The following EP400 variants were observed in gnomAD, a reference collection of about 807,000 sequenced individuals.
EP400 encodes E1A binding protein p400, also known as E1A-binding protein p400.
EP400 carries 105 observed loss-of-function variants against 354.1 expected under a neutral mutation model. The observed-to-expected ratio is 0.30, with a 90% CI of 0.25 to 0.35. The LOEUF is 0.35. Among genes scored for constraint, EP400 ranks in the 10% least tolerant of loss-of-function variants. EP400 has a pLI of 1.00. For missense variants in EP400, 3,280 were observed against 4,121.0 expected (o/e 0.80, Z 5.59); for synonymous variants, 1,646 against 1,716.9 (o/e 0.96, Z 1.02).
intron 39 of EP400, among the ~76,000 whole-genome samples, chr12:132,046,489 G>T (rs1352775507): frequency 6.6e-6 from 1 of 152,226 alleles, no homozygotes; most frequent in East Asian, 1.9e-4. Context: ...CGAAAGACTG[G>T]CTGGCTGCAA....
Position 132,029,768 on chromosome 12 carries a change from C to T in EP400, c.5449C>T (p.Leu1817=). Residue 1817 remains leucine, a synonymous_variant, in exon 28 of 53, where the codon CTG becomes TTG. Coordinates refer to ENST00000389561, the MANE Select transcript of EP400 (RefSeq NM_015409.5). The surrounding 1 kb of genome is among the most constrained non-coding windows in gnomAD (Gnocchi z 4.7). ...PSLRVPRPPP[L]YSHRMRILRQ... The stretch of plus-strand genomic sequence containing the variant: ...CCTACGGGTGCCGCGGCCGCCACCC[C>T]TGTACAGCCACAGAATGAGGATCTT... 2 of 1,613,572 alleles carry T rather than the reference C, an allele frequency of 1.2e-6. No homozygotes were observed. The highest frequency in any genetic ancestry group is 1.7e-5 in the Admixed American group (1 of 60,032).
rs1246931325 is a variant in EP400, at chr12:131,982,262, C to A, written c.1713C>A (p.Leu571=). ...CAGCCGGTGTTCCCACTGCAGCCCT[C>A]TCCTCTGCGCTGCAGTTTGCACAGC... ...LPPAGVPTAA[L]SSALQFAQQP... The change falls in exon 5 of 53, where the codon CTC becomes CTA. Residue 571 remains leucine, a synonymous_variant. Transcript: ENST00000389561. The A allele has an allele frequency of 6.2e-7, 1 of 1,614,098 alleles. No individual in the cohort carries two copies.
chr12:132,028,714 G>A (rs543695874), intron 27 of EP400, among the ~76,000 whole-genome samples: 4 of 152,318 alleles, frequency 2.6e-5, no homozygotes, highest in African/African-American at 7.2e-5. Context: ...TCTGAGCACC[G>A]GTGGGCACGG....
At position 132,053,558 on chromosome 12, in the gene EP400, G is replaced by A. The variant is rs759625372; in HGVS notation, c.7689G>A (p.Ala2563=). 140 of 1,562,938 alleles carry A rather than the reference G, an allele frequency of 9.0e-5. 1 individual carries two copies. The highest frequency in any genetic ancestry group is 1.1e-4 in the Admixed American group (6 of 55,738). ...QPQPVQAPAK[A]QPAITTGGSA... ...AGCCTGTGCAGGCCCCAGCGAAGGC[G>A]CAGCCCGCAATCACGACGGGGGGCA... The change falls in exon 43 of 53, where the codon GCG becomes GCA. Residue 2563 remains alanine (A), a synonymous_variant. Coordinates refer to ENST00000389561, the MANE Select transcript of EP400 (RefSeq NM_015409.5).
chr12:131,976,532 T>C (rs1166070003), intron 2 of EP400, among the ~76,000 whole-genome samples: 1 of 152,026 alleles, frequency 6.6e-6, no homozygotes, highest in Non-Finnish European at 1.5e-5. Flanking sequence ...GCCAATATGG[T>C]GAAACCCTGT....
chr12:132,004,919 C>G (rs1893530205), intron 12 of EP400, among the ~76,000 whole-genome samples, 158 bp from the exon 13 acceptor site: 1 of 152,228 alleles, frequency 6.6e-6, no homozygotes, highest in African/African-American at 2.4e-5. Flanking sequence ...ACAATATAAT[C>G]TTTTTCCAAG....
At chr12:131,950,951 G>T (rs1296402524) in intron 1 of EP400, among the ~76,000 whole-genome samples, 1 of 152,012 alleles carries the variant, frequency 6.6e-6, no homozygotes, top group Non-Finnish European at 1.5e-5. Context: ...CCAGGCTGGA[G>T]TGCAGTGGCG....
At chr12:131,992,145 C>T in intron 10 of EP400, 28 bp from the exon 11 acceptor site, 6 of 1,601,144 alleles carry the variant, frequency 3.7e-6, no homozygotes, top group Non-Finnish European at 5.1e-6. Context: ...GGATCTCATG[C>T]TTGTGGTTTT....
chr12:131,980,626 GC>G (rs1389726153), intron 3 of EP400, among the ~76,000 whole-genome samples: 1 of 152,116 alleles, frequency 6.6e-6, no homozygotes, highest in Non-Finnish European at 1.5e-5. Flanking sequence ...GCTCACTGCA[GC>G]CTCTACCTCC....
intron 45 of EP400, among the ~76,000 whole-genome samples, chr12:132,059,470 C>G (rs1047518261): frequency 6.6e-6 from 1 of 152,156 alleles, no homozygotes; most frequent in Admixed American, 6.5e-5. Flanking sequence ...TGAAGTCTAC[C>G]TGCTTCAGTG....
rs763396683 is a variant in EP400 at position 132,013,451 on chromosome 12, G to C, written c.3612-39G>C. ...AGATGCTGCTGCAGCCAGCCCCGTGGCTGTAGAACTCCAGTGTTGTCTCTT... is the reference window on the plus strand; with the variant it reads ...AGATGCTGCTGCAGCCAGCCCCGTGCCTGTAGAACTCCAGTGTTGTCTCTT... On this transcript the variant is annotated intron_variant, in intron 17 of 52. Coordinates refer to ENST00000389561, the MANE Select transcript of EP400 (RefSeq NM_015409.5). This position sits in a 1 kb window ranked among gnomAD's most constrained non-coding sequence, Gnocchi z 4.5. The C allele has an allele frequency of 1.3e-6, 2 of 1,522,356 alleles. No individual in the cohort carries two copies. The highest frequency in any genetic ancestry group is 2.3e-5 in the East Asian group (1 of 43,922). 94.3% of individuals were successfully genotyped at this position (1,522,356 alleles called of 1,614,324 possible).
Position 132,005,146 on chromosome 12 carries a change from G to T in EP400, c.2897G>T (p.Arg966Leu). Residue 966 changes from arginine (R) to leucine (L), a missense_variant, in exon 13 of 53, where the codon CGG (arginine) becomes CTG (leucine). Arg to Leu is a moderately radical substitution (Grantham distance 102, BLOSUM62 -2). This residue lies in a region of EP400 where 800 missense variants were observed against 840.0 expected (regional missense o/e 0.95). Coordinates refer to ENST00000389561, the MANE Select transcript of EP400 (RefSeq NM_015409.5). ...TTCCTGCCGAGTTCTCAGTGGCCCC[G>T]GCCGAAGCCTGATGGGGAGGACACA... The part of the protein sequence containing the change: ...GAFLPSSQWP[R>L]PKPDGEDTSG... 6.3e-7 allele frequency: 1 copy of T among 1,585,406 alleles called. No individual in the cohort carries two copies. The highest frequency in any genetic ancestry group is 8.6e-7 in the Non-Finnish European group (1 of 1,165,820).
intron 51 of EP400, 159 bp from the exon 52 acceptor site, chr12:132,076,357 C>G (rs1047757055): frequency 1.7e-5 from 13 of 747,314 alleles, no homozygotes; most frequent in Admixed American, 6.0e-5. Flanking sequence ...ACGACTTGCT[C>G]TCTCACTGCT....
chr12:132,012,655 C>T (rs895112911), intron 16 of EP400, among the ~76,000 whole-genome samples: 4 of 152,188 alleles, frequency 2.6e-5, no homozygotes, highest in African/African-American at 9.6e-5. Flanking sequence ...CAGATGTTGA[C>T]ATCTCTTATT....
chr12:131,986,749 A>G lies in EP400; in HGVS notation c.2165A>G (p.Gln722Arg). 1 of 1,614,196 alleles carries G rather than the reference A, an allele frequency of 6.2e-7. No homozygotes were observed. The highest frequency in any genetic ancestry group is 8.5e-7 in the Non-Finnish European group (1 of 1,180,024). The change falls in exon 6 of 53, where the codon CAG becomes CGG. Residue 722 changes from glutamine to arginine, a missense_variant. By Grantham distance (43) the Gln-to-Arg change is conservative. Coordinates refer to ENST00000389561, the MANE Select transcript of EP400 (RefSeq NM_015409.5). ...SAPTKPQSPA[Q>R]NATSSQDSSQ... ...CCCACCAAACCACAGAGTCCTGCTC[A>G]GAATGCCACCTCGTCCCAAGACAGT... is the stretch of plus-strand genomic sequence containing the variant.
Position 132,029,577 on chromosome 12 carries a change from G to C in EP400, c.5382-124G>C. 1 of 1,091,272 alleles carries C rather than the reference G, an allele frequency of 9.2e-7. No homozygotes were observed. Among genetic ancestry groups the C allele is most frequent in the South Asian group, 1.5e-5 (1 of 67,850 alleles). The allele number at this position is 1,091,272 out of a possible 1,614,324, so 67.6% of individuals were successfully genotyped here. A position where few individuals can be genotyped will look rare whatever the true frequency, so the allele number is the denominator to read the frequency against. ...CAACACCCACATCCCCATGTGACTG[G>C]GTTGAGCCCTGCTGTTTCCTGGGAC... is the stretch of plus-strand genomic sequence containing the variant. On this transcript the variant is annotated intron_variant, in intron 27 of 52. Transcript: ENST00000389561. This position sits in a 1 kb window ranked among gnomAD's most constrained non-coding sequence, Gnocchi z 4.7.
intron 11 of EP400, among the ~76,000 whole-genome samples, chr12:131,993,271 C>T (rs1259979356): frequency 2.6e-5 from 4 of 152,084 alleles, no homozygotes; most frequent in African/African-American, 4.8e-5. Flanking sequence ...GTAATCCACC[C>T]GCCTCAGCCT....
In EP400 at chr12:132,064,721, A is replaced by G; in HGVS notation, c.8388A>G (p.Pro2796=). The change falls in exon 48 of 53, where the codon CCA becomes CCG. Residue 2796 remains proline, a synonymous_variant. Transcript: ENST00000389561. ...AACTGCAGATGCCCCCGCAGCCCCC[A>G]CCGCCACAGGCCCAGTCTGCGCCCC... The part of the protein sequence containing the change: ...KQKLQMPPQP[P]PPQAQSAPPQ... The G allele has an allele frequency of 1.2e-6, 2 of 1,613,438 alleles. No individual in the cohort carries two copies. The highest frequency in any genetic ancestry group is 1.7e-6 in the Non-Finnish European group (2 of 1,179,824).
intron 32 of EP400, among the ~76,000 whole-genome samples, chr12:132,040,159 C>T (rs1894849046): frequency 6.6e-6 from 1 of 152,080 alleles, no homozygotes; most frequent in Non-Finnish European, 1.5e-5. Context: ...AAATAAAAAC[C>T]ACAGGAGGTA....
Sources: gnomAD v4.1 joint callset for allele counts (sites outside exome capture counted in the v4.1 genomes callset) on GRCh38, gnomAD v4.1.1 for gene constraint, gnomAD v4.1.1 regional missense constraint, Gnocchi (gnomAD v3.1) non-coding constraint, MANE v1.5 for transcripts, NCBI Gene and HGNC (gene_info 2026-07-23, HGNC 2026-07-21) for gene names.